Variants in HLCS observed in about 807,000 individuals in gnomAD.
The protein encoded by HLCS is holocarboxylase synthetase, also known as biotin--protein ligase.
Under a neutral mutation model 75.0 loss-of-function variants are expected in HLCS, and 53 were observed. That is an observed-to-expected ratio of 0.71 (90% CI 0.57 to 0.89). HLCS has a LOEUF of 0.89. Ranked by LOEUF, HLCS falls within the 40% of genes least tolerant of loss-of-function variation. The probability of loss-of-function intolerance (pLI) is 0.00; values close to 1 mark genes in which losing one functional copy is unlikely to be tolerated. For missense variants in HLCS, 966 were observed against 1,074.0 expected, an observed-to-expected ratio of 0.90 and a Z score of 1.41; for synonymous variants, 431 against 428.6, an observed-to-expected ratio of 1.01 and a Z score of -0.07.
At chr21:36,941,323 T>G (rs1293529423) in intron 2 of HLCS, among the ~76,000 whole-genome samples, 1 of 152,200 alleles carries the variant, frequency 6.6e-6, no homozygotes, top group Non-Finnish European at 1.5e-5. Context: ...TGATGGTAAA[T>G]TTCCTGAGGC....
chr21:36,786,937 G>A (rs1189387935), intron 6 of HLCS, among the ~76,000 whole-genome samples: 3 of 152,206 alleles, frequency 2.0e-5, no homozygotes, highest in Non-Finnish European at 4.4e-5. Flanking sequence ...AGTCCAGGCG[G>A]GGATGGCTCA....
At chr21:36,858,937 G>A (rs1294994163) in intron 6 of HLCS, among the ~76,000 whole-genome samples, 2 of 152,154 alleles carry the variant, frequency 1.3e-5, no homozygotes, top group Non-Finnish European at 2.9e-5. Context: ...GAACCACTGG[G>A]GCAGGACTTC....
At chr21:36,983,502 C>T (rs140988698) in intron 1 of HLCS, among the ~76,000 whole-genome samples, 1,630 of 152,026 alleles carry the variant, frequency 0.011, 15 homozygotes, top group Non-Finnish European at 0.017. Flanking sequence ...CGAGCCACTG[C>T]GCCCAGCCTG....
Position 36,840,139 on chromosome 21 carries a change from C to T in HLCS, c.1892+56721G>A, listed in dbSNP as rs188306153. ...AAGCTTGTAACATCTTGTAACTTTA[C>T]TTATCCTAGTAGAAGCTTTATTGCT... is the stretch of plus-strand genomic sequence containing the variant. On this transcript the variant is annotated intron_variant, in intron 6 of 10. Transcript: ENST00000674895. 2.0e-5 allele frequency among the ~76,000 whole-genome samples: 3 copies of T among 152,314 alleles called. No homozygotes were observed. In the East Asian group the frequency reaches 5.8e-4, roughly 29 times the overall value.
rs750290613 is a variant in HLCS, at chr21:36,937,153, G to A, written c.733C>T (p.His245Tyr). The change falls in exon 4 of 11, where the codon CAT (histidine) becomes TAT (tyrosine). Residue 245 changes from histidine (H) to tyrosine (Y), a missense_variant. Coordinates refer to ENST00000674895, the MANE Select transcript of HLCS (RefSeq NM_001352514.2). ...DSDRGGGPVE[H>Y]YHLHLSSCHE... Reference sequence around the variant, plus strand: ...CAACTAGACAGATGGAGGTGATAATGCTCAACGGGGCCCCCTCCCCTGTCA... The same window carrying A: ...CAACTAGACAGATGGAGGTGATAATACTCAACGGGGCCCCCTCCCCTGTCA... 2 of 1,614,172 alleles carry A rather than the reference G, an allele frequency of 1.2e-6. No homozygotes were observed. Among genetic ancestry groups the A allele is most frequent in the South Asian group, 1.1e-5 (1 of 91,074 alleles).
chr21:36,940,991 C>G (rs547885072), intron 2 of HLCS, among the ~76,000 whole-genome samples: 2 of 152,140 alleles, frequency 1.3e-5, no homozygotes, highest in African/African-American at 4.8e-5. Flanking sequence ...GTGGGCAAAT[C>G]ACCTGAGCTC....
intron 8 of HLCS, among the ~76,000 whole-genome samples, chr21:36,764,604 C>T (rs2145765924): frequency 6.6e-6 from 1 of 152,018 alleles, no homozygotes; most frequent in Non-Finnish European, 1.5e-5. Flanking sequence ...ACTCGGGAGG[C>T]TGAGGTGTGA....
Position 36,966,424 on chromosome 21 carries a change from C to CCCG in HLCS, c.195+19_195+20insCGG. 2 of 461,712 alleles carry CCCG rather than the reference C, an allele frequency of 4.3e-6. No homozygotes were observed. Among genetic ancestry groups the CCCG allele is most frequent in the Non-Finnish European group, 5.7e-6 (2 of 351,286 alleles). The allele number at this position is 461,712 out of a possible 1,614,324, so 28.6% of individuals were successfully genotyped here. A position where few individuals can be genotyped will look rare whatever the true frequency, so the allele number is the denominator to read the frequency against. ...TCCGGCTCGCGGGGCCCGGGTCGCC[C>CCCG]GCCCGCCCGACCCGCCCACCTGGCT... On this transcript the variant is annotated intron_variant, in intron 1 of 10. Coordinates refer to ENST00000674895, the MANE Select transcript of HLCS (RefSeq NM_001352514.2).
intron 5 of HLCS, among the ~76,000 whole-genome samples, chr21:36,923,043 C>T (rs764454899): frequency 3.3e-5 from 5 of 152,160 alleles, no homozygotes; most frequent in Admixed American, 6.5e-5. Context: ...CATCGCCGGG[C>T]GCCCCACCGC....
chr21:36,967,009 G>C (rs1442228312), upstream of HLCS, among the ~76,000 whole-genome samples: 1 of 152,014 alleles, frequency 6.6e-6, no homozygotes, highest in African/African-American at 2.4e-5. Context: ...CCAGGGCTGA[G>C]GAGTGGGATG....
At chr21:36,979,654 C>T (rs2069052264) in intron 1 of HLCS, among the ~76,000 whole-genome samples, 1 of 152,098 alleles carries the variant, frequency 6.6e-6, no homozygotes. Context: ...GTGGCTCACA[C>T]CTATAATGCC....
chr21:36,756,992 A>T (rs2145733233), intron 9 of HLCS: 2 of 979,060 alleles, frequency 2.0e-6, no homozygotes, highest in Middle Eastern at 5.3e-4. Context: ...TGCAAATAAA[A>T]AGGTGGGAAA....
At chr21:36,866,443 A>C (rs2063558968) in intron 6 of HLCS, among the ~76,000 whole-genome samples, 1 of 152,226 alleles carries the variant, frequency 6.6e-6, no homozygotes, top group African/African-American at 2.4e-5. Flanking sequence ...GTGGCGTAAA[A>C]GACTGGTGTA....
chr21:36,815,173 T>C (rs981393954), intron 6 of HLCS, among the ~76,000 whole-genome samples: 1 of 151,984 alleles, frequency 6.6e-6, no homozygotes, highest in African/African-American at 2.4e-5. Context: ...ATTACAGGCA[T>C]ATGCCACCAC....
chr21:36,763,274 T>C (rs1360526026), intron 8 of HLCS, among the ~76,000 whole-genome samples: 1 of 152,028 alleles, frequency 6.6e-6, no homozygotes, highest in Non-Finnish European at 1.5e-5. Context: ...CCTCCCAAAG[T>C]GCTGGGATTA....
chr21:36,767,674 C>T (rs868585748), intron 6 of HLCS, among the ~76,000 whole-genome samples: 1 of 152,064 alleles, frequency 6.6e-6, no homozygotes, highest in South Asian at 2.1e-4. Flanking sequence ...CAATTCCTGA[C>T]ATTTGTTCCT....
intron 6 of HLCS, among the ~76,000 whole-genome samples, chr21:36,856,920 G>A (rs1260362743): frequency 1.3e-5 from 2 of 152,150 alleles, no homozygotes; most frequent in African/African-American, 4.8e-5. Flanking sequence ...TCTCCAGGCA[G>A]CATCTTACTT....
At chr21:36,779,383 C>G (rs557118116) in intron 6 of HLCS, among the ~76,000 whole-genome samples, 1 of 152,144 alleles carries the variant, frequency 6.6e-6, no homozygotes, top group South Asian at 2.1e-4. Context: ...ATCCATCTAC[C>G]ACCCATCCAT....
chr21:36,799,018 GT>G (rs1273661682), intron 6 of HLCS, among the ~76,000 whole-genome samples: 2 of 152,058 alleles, frequency 1.3e-5, no homozygotes, highest in East Asian at 1.9e-4. Context: ...AAAAAAAGAA[GT>G]TTTTTTAGAT....
Sources: allele counts gnomAD v4.1 joint callset (sites outside exome capture counted in the v4.1 genomes callset), GRCh38; gene constraint gnomAD v4.1.1; transcripts MANE v1.5; gene names NCBI Gene and HGNC (gene_info 2026-07-23, HGNC 2026-07-21).